The following TBCK variants were observed in gnomAD, a reference collection of about 807,000 sequenced individuals.
TBCK encodes the protein TBC domain-containing protein kinase-like protein.
Under a neutral mutation model 113.4 loss-of-function variants are expected in TBCK, and 99 were observed. The ratio of observed to expected loss-of-function variants is 0.87; its 90% CI spans 0.74 to 1.03. TBCK has a LOEUF of 1.03. Ranked by LOEUF, TBCK falls within the 50% of genes least tolerant of loss-of-function variation. The pLI is 0.00. For synonymous variants in TBCK, 369 were observed against 370.8 expected (o/e 1.00, Z 0.05); for missense variants, 1,045 against 1,061.3 (o/e 0.98, Z 0.21).
At chr4:106,277,818 T>C (rs1764178751) in intron 3 of TBCK, among the ~76,000 whole-genome samples, 1 of 152,176 alleles carries the variant, frequency 6.6e-6, no homozygotes, top group South Asian at 2.1e-4. Context: ...AAATGTAAAC[T>C]TAAAAAGTTT....
chr4:106,077,727 C>T (rs1738376138), intron 25 of TBCK, among the ~76,000 whole-genome samples: 1 of 152,056 alleles, frequency 6.6e-6, no homozygotes, highest in South Asian at 2.1e-4. Flanking sequence ...ATTTCAACAC[C>T]ACCTTGACAG....
intron 23 of TBCK, 117 bp from the exon 24 acceptor site, chr4:106,116,495 T>A: frequency 1.1e-6 from 1 of 879,932 alleles, no homozygotes; most frequent in Non-Finnish European, 1.7e-6. Flanking sequence ...GAGGAAACTA[T>A]CTAATTTTCA....
chr4:106,248,404 A>G, intron 8 of TBCK, 98 bp from the exon 9 acceptor site: 2 of 896,274 alleles, frequency 2.2e-6, no homozygotes, highest in Non-Finnish European at 3.2e-6. Context: ...TGATGTTTTT[A>G]AAGTTTTTAT....
At chr4:106,192,052 A>C (rs1753731550) in intron 22 of TBCK, among the ~76,000 whole-genome samples, 1 of 152,156 alleles carries the variant, frequency 6.6e-6, no homozygotes, top group African/African-American at 2.4e-5. Flanking sequence ...AGTAAACCCA[A>C]AGCAGGCAAT....
intron 22 of TBCK, among the ~76,000 whole-genome samples, chr4:106,180,203 T>C (rs1200385602): frequency 6.6e-6 from 1 of 151,936 alleles, no homozygotes; most frequent in Non-Finnish European, 1.5e-5. Flanking sequence ...TTTTATTGGA[T>C]AATTAATTTA....
rs139265925 is a variant in TBCK at position 106,252,791 on chromosome 4, C to G, written c.456-784G>C. ...ATTCTTAGAAGTGGCATTCCAAGAT[C>G]GTAAGGTATGTGCATTTTAAATTTT... On this transcript the variant is annotated intron_variant, in intron 5 of 25. Coordinates refer to ENST00000394708, the MANE Select transcript of TBCK (RefSeq NM_001163435.3). Among the ~76,000 whole-genome samples the G allele has an allele frequency of 1.2e-3, 181 of 152,120 alleles. 1 individual carries two copies. The highest frequency in any genetic ancestry group is 4.1e-3 in the African/African-American group (169 of 41,542).
At chr4:106,227,273 C>T (rs1475528240) in intron 19 of TBCK, among the ~76,000 whole-genome samples, 3 of 151,978 alleles carry the variant, frequency 2.0e-5, no homozygotes, top group Non-Finnish European at 4.4e-5. Flanking sequence ...GGAATGAACA[C>T]ATGATTCAAT....
At chr4:106,105,762 C>T (rs902436532) in intron 24 of TBCK, among the ~76,000 whole-genome samples, 4 of 152,054 alleles carry the variant, frequency 2.6e-5, no homozygotes, top group Non-Finnish European at 4.4e-5. Flanking sequence ...ATTGACTGTA[C>T]TCAATCTACA....
intron 23 of TBCK, among the ~76,000 whole-genome samples, chr4:106,157,131 A>G (rs1749220107): frequency 1.3e-5 from 2 of 151,832 alleles, no homozygotes; most frequent in Admixed American, 1.3e-4. Context: ...GTGTGTCTAG[A>G]AATGTCTGGG....
chr4:106,160,134 A>C (rs1749598550), intron 23 of TBCK, among the ~76,000 whole-genome samples: 1 of 152,040 alleles, frequency 6.6e-6, no homozygotes, highest in Non-Finnish European at 1.5e-5. Context: ...ATCAAAATAA[A>C]TCAAAGACTT....
intron 4 of TBCK, 69 bp from the exon 5 acceptor site, chr4:106,260,579 TA>T: frequency 2.0e-6 from 1 of 496,464 alleles, no homozygotes; most frequent in Non-Finnish European, 3.4e-6. Context: ...ATTTATATTA[TA>T]AAATTATCAT....
chr4:106,071,142 T>G (rs1288842935), intron 25 of TBCK, among the ~76,000 whole-genome samples: 1 of 152,200 alleles, frequency 6.6e-6, no homozygotes, highest in Non-Finnish European at 1.5e-5. Context: ...TCTGCTAGCT[T>G]TTGAATTTGT....
At chr4:106,242,611 G>T in intron 11 of TBCK, 42 bp from the exon 12 acceptor site, 1 of 1,389,008 alleles carries the variant, frequency 7.2e-7, no homozygotes, top group Non-Finnish European at 9.9e-7. Flanking sequence ...ACAAAATCCA[G>T]TTTATTGTTT....
intron 20 of TBCK, among the ~76,000 whole-genome samples, chr4:106,211,157 T>C (rs965062095): frequency 3.9e-5 from 6 of 152,124 alleles, no homozygotes; most frequent in Admixed American, 2.6e-4. Flanking sequence ...TTTACAAAAA[T>C]TTTTTGAAAA....
At chr4:106,147,205 A>G (rs1482010190) in intron 23 of TBCK, among the ~76,000 whole-genome samples, 1 of 152,136 alleles carries the variant, frequency 6.6e-6, no homozygotes, top group Non-Finnish European at 1.5e-5. Flanking sequence ...ACCTTTTCAT[A>G]TTGATATTGT....
At chr4:106,302,552 C>A (rs966013509) in intron 2 of TBCK, among the ~76,000 whole-genome samples, 4 of 152,156 alleles carry the variant, frequency 2.6e-5, no homozygotes, top group African/African-American at 4.8e-5. Flanking sequence ...GAGGAAAAAA[C>A]CCCAAATACA....
intron 3 of TBCK, among the ~76,000 whole-genome samples, chr4:106,284,549 G>A (rs527282365): frequency 1.1e-4 from 16 of 152,134 alleles, no homozygotes; most frequent in African/African-American, 3.1e-4. Flanking sequence ...CCCTAAAAAC[G>A]TGACAAACTA....
In TBCK at chr4:106,043,203, A is replaced by G. The variant is rs1733961748; in HGVS notation, c.*3367T>C. The G allele has an allele frequency of 6.6e-6, 1 of 152,008 alleles. No homozygotes were observed. The highest frequency in any genetic ancestry group is 1.5e-5 in the Non-Finnish European group (1 of 67,990). 9.4% of individuals were successfully genotyped at this position (152,008 alleles called of 1,614,324 possible). ...TTTTAATATGCTTTTTGAATCTAAC[A>G]TTTCTGTATTTTGAAAAGAGGATGC... is the stretch of plus-strand genomic sequence containing the variant. On this transcript the variant is annotated 3_prime_UTR_variant, in exon 26 of 26. Coordinates refer to ENST00000394708, the MANE Select transcript of TBCK (RefSeq NM_001163435.3).
At chr4:106,219,878 A>T (rs1757470543) in intron 19 of TBCK, among the ~76,000 whole-genome samples, 1 of 152,184 alleles carries the variant, frequency 6.6e-6, no homozygotes, top group Admixed American at 6.5e-5. Context: ...TTCCCTTCAT[A>T]ATCACAACTT....
Sources: gnomAD v4.1 joint callset for allele counts (sites outside exome capture counted in the v4.1 genomes callset) on GRCh38, gnomAD v4.1.1 for gene constraint, MANE v1.5 for transcripts, NCBI Gene and HGNC (gene_info 2026-07-23, HGNC 2026-07-21) for gene names.